AFF3: variants seen among roughly 807,000 people sequenced by gnomAD.
AFF3 encodes ALF transcription elongation factor 3.
In AFF3, 32 loss-of-function variants were observed where a neutral mutation model predicts 129.7. The observed-to-expected ratio is 0.25, with a 90% CI of 0.19 to 0.33. The LOEUF (loss-of-function observed/expected upper bound fraction) is 0.33, where lower values mean the gene tolerates loss of function less well. Among genes scored for constraint, AFF3 ranks in the 10% least tolerant of loss-of-function variants. The pLI is 1.00. For missense variants in AFF3, 1,373 were observed against 1,592.0 expected, an observed-to-expected ratio of 0.86 and a Z score of 2.34; for synonymous variants, 644 against 635.4, an observed-to-expected ratio of 1.01 and a Z score of -0.20.
At chr2:99,842,529 C>A (rs1178203293) in intron 7 of AFF3, among the ~76,000 whole-genome samples, 1 of 152,214 alleles carries the variant, frequency 6.6e-6, no homozygotes, top group Non-Finnish European at 1.5e-5. Context: ...GAACCCACCT[C>A]ATTTTCCTAT....
At chr2:99,910,374 T>C (rs886719539) in intron 7 of AFF3, among the ~76,000 whole-genome samples, 1 of 152,256 alleles carries the variant, frequency 6.6e-6, no homozygotes, top group Non-Finnish European at 1.5e-5. Context: ...TACTATATTA[T>C]GTAGTAGCAT....
At chr2:99,891,918 G>T (rs974457790) in intron 7 of AFF3, among the ~76,000 whole-genome samples, 4 of 152,084 alleles carry the variant, frequency 2.6e-5, no homozygotes, top group African/African-American at 4.8e-5. Flanking sequence ...CGCCTCCCGG[G>T]TTCACGCCAT....
At chr2:99,747,192 C>T (rs1681239853) in intron 9 of AFF3, among the ~76,000 whole-genome samples, 1 of 151,794 alleles carries the variant, frequency 6.6e-6, no homozygotes, top group African/African-American at 2.4e-5. Context: ...CCAGGCCCTG[C>T]TAACTTTTTG....
At chr2:99,716,497 C>A (rs560684557) in intron 11 of AFF3, among the ~76,000 whole-genome samples, 1 of 152,166 alleles carries the variant, frequency 6.6e-6, no homozygotes, top group African/African-American at 2.4e-5. Flanking sequence ...GAGGATAACA[C>A]ATGTCAAGTG....
intron 13 of AFF3, among the ~76,000 whole-genome samples, chr2:99,627,961 C>T (rs28836860): frequency 0.16 from 24,638 of 152,012 alleles, 2,486 homozygotes; most frequent in South Asian, 0.29. Context: ...TTTTGGTTAC[C>T]ATAGCCCTGT....
At position 99,620,778 on chromosome 2, in the gene AFF3, C is replaced by T. The variant is rs182223230; in HGVS notation, c.1185-19157G>A. ...GGATTGCTCATGAATGGCTTGGTGC[C>T]CTCCCCCAGGTAATGAGTGAGTTCT... On this transcript the variant is annotated intron_variant, in intron 13 of 24. Coordinates refer to ENST00000672756, the MANE Select transcript of AFF3 (RefSeq NM_001386135.1). Among the ~76,000 whole-genome samples the T allele has an allele frequency of 2.0e-5, 3 of 152,210 alleles. No individual in the cohort carries two copies. The East Asian group carries it at 5.8e-4, about 29-fold the overall frequency.
intron 11 of AFF3, among the ~76,000 whole-genome samples, chr2:99,717,351 G>C (rs1442702850): frequency 6.6e-6 from 1 of 152,200 alleles, no homozygotes; most frequent in Non-Finnish European, 1.5e-5. Context: ...AGCAACGCAT[G>C]AGAGTTTAAA....
At chr2:99,991,286 A>G (rs111307590) in intron 7 of AFF3, among the ~76,000 whole-genome samples, 15 of 152,350 alleles carry the variant, frequency 9.8e-5, no homozygotes, top group Non-Finnish European at 2.1e-4. Flanking sequence ...AACGCTCTTC[A>G]AGATTCTGAC....
intron 7 of AFF3, among the ~76,000 whole-genome samples, chr2:99,869,285 A>T (rs571764321): frequency 6.6e-6 from 1 of 152,336 alleles, no homozygotes; most frequent in Non-Finnish European, 1.5e-5. Flanking sequence ...ACCCAACAGC[A>T]TTTATCTGTA....
intron 8 of AFF3, among the ~76,000 whole-genome samples, chr2:99,805,798 T>C (rs1023926101): frequency 6.9e-6 from 1 of 145,260 alleles, no homozygotes; most frequent in Non-Finnish European, 1.5e-5. Flanking sequence ...AGGAAACATC[T>C]GCCTGCAGGA....
At chr2:99,642,011 T>C (rs1161035227) in intron 13 of AFF3, among the ~76,000 whole-genome samples, 1 of 152,140 alleles carries the variant, frequency 6.6e-6, no homozygotes, top group African/African-American at 2.4e-5. Context: ...ATCCCTAACA[T>C]TTTAGGGATT....
At chr2:99,785,648 T>G (rs1259228879) in intron 8 of AFF3, among the ~76,000 whole-genome samples, 1 of 152,176 alleles carries the variant, frequency 6.6e-6, no homozygotes. Context: ...CTCCTTCCAG[T>G]GAATATGTGG....
chr2:99,858,610 G>A lies in AFF3; in HGVS notation c.874-21086C>T, dbSNP rs576937910. On this transcript the variant is annotated intron_variant, in intron 7 of 24. Coordinates refer to ENST00000672756, the MANE Select transcript of AFF3 (RefSeq NM_001386135.1). ...TCATGTTCTGTGCAGGGACATGGAT[G>A]GGGCTGGAGGCCATTATCCTTAGCA... Among the ~76,000 whole-genome samples, 15 of 152,232 alleles carry A rather than the reference G, an allele frequency of 9.9e-5. 1 individual carries two copies. In the South Asian group the frequency reaches 3.1e-3, roughly 32 times the overall value.
intron 7 of AFF3, among the ~76,000 whole-genome samples, chr2:99,978,409 G>C (rs1025077119): frequency 2.0e-5 from 3 of 151,968 alleles, no homozygotes; most frequent in African/African-American, 7.3e-5. Context: ...TTATTTATTG[G>C]TCAATAAAAA....
At chr2:99,718,621 T>C (rs970173717) in intron 11 of AFF3, among the ~76,000 whole-genome samples, 4 of 152,172 alleles carry the variant, frequency 2.6e-5, no homozygotes, top group African/African-American at 7.2e-5. Flanking sequence ...CCTTGCCTTA[T>C]TGCCTGACCA....
intron 15 of AFF3, among the ~76,000 whole-genome samples, chr2:99,591,589 G>C (rs1678688139): frequency 6.6e-6 from 1 of 152,172 alleles, no homozygotes; most frequent in Non-Finnish European, 1.5e-5. Flanking sequence ...CACTTACAAA[G>C]CAAGAAATAT....
chr2:100,067,540 C>T (rs1360015588), intron 4 of AFF3, among the ~76,000 whole-genome samples: 2 of 152,142 alleles, frequency 1.3e-5, no homozygotes, highest in Non-Finnish European at 2.9e-5. Context: ...ACAACGACAA[C>T]AAAAATTTTA....
At chr2:99,998,616 T>C (rs193292195) in intron 7 of AFF3, among the ~76,000 whole-genome samples, 5 of 152,340 alleles carry the variant, frequency 3.3e-5, no homozygotes, top group Admixed American at 1.3e-4. Context: ...AACCGTTTAG[T>C]GTGTATTAAA....
At chr2:99,950,379 G>C (rs1676033797) in intron 7 of AFF3, among the ~76,000 whole-genome samples, 1 of 152,150 alleles carries the variant, frequency 6.6e-6, no homozygotes, top group South Asian at 2.1e-4. Context: ...AAGTATGTGG[G>C]TGAATATGTG....
Sources: gnomAD v4.1 joint callset for allele counts (sites outside exome capture counted in the v4.1 genomes callset) on GRCh38, gnomAD v4.1.1 for gene constraint, MANE v1.5 for transcripts, NCBI Gene and HGNC (gene_info 2026-07-23, HGNC 2026-07-21) for gene names.